PRKCE: variants seen among roughly 807,000 people sequenced by gnomAD.
The protein encoded by PRKCE is protein kinase C epsilon.
A neutral mutation model predicts 85.4 loss-of-function variants in PRKCE; 16 were observed. The observed-to-expected ratio is 0.19, with a 90% confidence interval of 0.13 to 0.28. The LOEUF is 0.28. Among genes scored for constraint, PRKCE ranks in the 10% least tolerant of loss-of-function variants. PRKCE has a pLI of 1.00. For missense variants in PRKCE, 573 were observed against 975.2 expected, an observed-to-expected ratio of 0.59 and a Z score of 5.49; for synonymous variants, 388 against 371.5, an observed-to-expected ratio of 1.04 and a Z score of -0.51.
intron 6 of PRKCE, among the ~76,000 whole-genome samples, chr2:45,989,559 T>A (rs1703627888): frequency 6.6e-6 from 1 of 151,800 alleles, no homozygotes; most frequent in Non-Finnish European, 1.5e-5. Flanking sequence ...AATGGAGTGA[T>A]CTTAGCCACA....
chr2:46,088,922 G>A (rs1008992845), intron 11 of PRKCE, among the ~76,000 whole-genome samples: 6 of 152,172 alleles, frequency 3.9e-5, no homozygotes, highest in African/African-American at 1.2e-4. Flanking sequence ...TGCACACCAT[G>A]ACACTTGGTA....
At chr2:45,998,149 G>A (rs188664190) in intron 6 of PRKCE, among the ~76,000 whole-genome samples, 1 of 152,296 alleles carries the variant, frequency 6.6e-6, no homozygotes, top group Non-Finnish European at 1.5e-5. Flanking sequence ...GTTGATAGAT[G>A]TCAGTTATAT....
At chr2:46,039,472 C>G (rs992179122) in intron 10 of PRKCE, among the ~76,000 whole-genome samples, 2 of 152,106 alleles carry the variant, frequency 1.3e-5, no homozygotes, top group Non-Finnish European at 2.9e-5. Context: ...GCCTGTTCTT[C>G]TAACCCTACT....
At chr2:46,156,681 G>A (rs1217720860) in intron 13 of PRKCE, among the ~76,000 whole-genome samples, 10 of 152,234 alleles carry the variant, frequency 6.6e-5, no homozygotes, top group Non-Finnish European at 1.5e-5. Context: ...GTGGGAAGGA[G>A]CCTTGCTTAG....
chr2:45,947,099 A>G (rs1700293609), intron 2 of PRKCE, among the ~76,000 whole-genome samples: 2 of 152,236 alleles, frequency 1.3e-5, no homozygotes. Context: ...GTACCACCTA[A>G]AGTGTGGTAT....
chr2:45,743,776 C>A (rs1314627038), intron 1 of PRKCE, among the ~76,000 whole-genome samples: 1 of 152,208 alleles, frequency 6.6e-6, no homozygotes, highest in African/African-American at 2.4e-5. Flanking sequence ...AACACATCCA[C>A]ATTAGCAGAC....
At chr2:45,820,698 A>C (rs555437041) in intron 1 of PRKCE, among the ~76,000 whole-genome samples, 1 of 152,322 alleles carries the variant, frequency 6.6e-6, no homozygotes, top group Non-Finnish European at 1.5e-5. Flanking sequence ...TGAAGTTTTC[A>C]AACTGAAAGC....
intron 1 of PRKCE, among the ~76,000 whole-genome samples, chr2:45,668,407 G>A (rs780045674): frequency 3.9e-5 from 6 of 152,186 alleles, no homozygotes; most frequent in Non-Finnish European, 5.9e-5. Context: ...TGTGGATGAT[G>A]TGGTTTGGGA....
intron 1 of PRKCE, among the ~76,000 whole-genome samples, chr2:45,835,675 C>G (rs776306178): frequency 7.9e-4 from 120 of 151,490 alleles, no homozygotes; most frequent in Non-Finnish European, 1.4e-3. Flanking sequence ...ACTGCAGCCT[C>G]AAACTCCCAG....
At chr2:46,099,842 T>C (rs1330031719) in intron 11 of PRKCE, among the ~76,000 whole-genome samples, 1 of 152,184 alleles carries the variant, frequency 6.6e-6, no homozygotes, top group African/African-American at 2.4e-5. Context: ...GACTTCTCAC[T>C]GGACCGCTCT....
In PRKCE at chr2:45,817,025, C is replaced by A. The variant is rs139281454; in HGVS notation, c.349-25975C>A. Among the ~76,000 whole-genome samples the A allele has an allele frequency of 1.1e-4, 16 of 149,780 alleles. No individual in the cohort carries two copies. The East Asian group carries it at 2.7e-3, about 26-fold the overall frequency. On this transcript the variant is annotated intron_variant, in intron 1 of 14. Transcript: ENST00000306156. ...CACAGAACATTGGGGACAAAGAGAT[C>A]GTTGTGTAAAGAAATGACTCAAATT...
chr2:45,958,027 TG>T (rs1701090579), intron 2 of PRKCE, among the ~76,000 whole-genome samples: 1 of 151,196 alleles, frequency 6.6e-6, no homozygotes, highest in Admixed American at 6.6e-5. Flanking sequence ...GTTCTAGAAG[TG>T]AAGTCCAGCA....
In PRKCE at chr2:46,041,007, C is replaced by T. The variant is rs369985587; in HGVS notation, c.1437+30490C>T. On this transcript the variant is annotated intron_variant, in intron 10 of 14. Coordinates refer to ENST00000306156, the MANE Select transcript of PRKCE (RefSeq NM_005400.3). The surrounding 1 kb of genome is among the most constrained non-coding windows in gnomAD (Gnocchi z 5.5). ...TTAATCAGGGCACGGTTTATATTTC[C>T]AGCATTCAAAATAAATCATTCCGTT... Among the ~76,000 whole-genome samples the T allele has an allele frequency of 2.2e-4, 33 of 152,318 alleles. No individual in the cohort carries two copies. Among genetic ancestry groups the T allele is most frequent in the African/African-American group, 7.7e-4 (32 of 41,578 alleles).
At position 45,823,046 on chromosome 2, in the gene PRKCE, G is replaced by T. The variant is rs544365971; in HGVS notation, c.349-19954G>T. 5.3e-5 allele frequency among the ~76,000 whole-genome samples: 8 copies of T among 152,284 alleles called. No individual in the cohort carries two copies. The South Asian group carries it at 6.2e-4, about 12-fold the overall frequency. ...CCCACCCCAATTGACCAGGTGCCAT[G>T]CTAGGCCCAGGGGAAACAAAGAGGT... is the stretch of plus-strand genomic sequence containing the variant. On this transcript the variant is annotated intron_variant, in intron 1 of 14. Transcript: ENST00000306156.
At chr2:46,088,169 A>G (rs1358793280) in intron 11 of PRKCE, among the ~76,000 whole-genome samples, 1 of 152,226 alleles carries the variant, frequency 6.6e-6, no homozygotes, top group African/African-American at 2.4e-5. Flanking sequence ...ATTATACCAG[A>G]GCATGAGTTG....
At chr2:46,122,932 C>T (rs570378277) in intron 11 of PRKCE, among the ~76,000 whole-genome samples, 3 of 145,662 alleles carry the variant, frequency 2.1e-5, no homozygotes, top group Non-Finnish European at 3.0e-5. Flanking sequence ...CACTAGTCAC[C>T]ATTATAATCA....
chr2:45,803,453 A>G (rs962625387), intron 1 of PRKCE, among the ~76,000 whole-genome samples: 2 of 152,194 alleles, frequency 1.3e-5, no homozygotes, highest in Non-Finnish European at 2.9e-5. Flanking sequence ...CACTCTCTTT[A>G]GGCAAGGATT....
chr2:45,780,050 T>C (rs981138478), intron 1 of PRKCE, among the ~76,000 whole-genome samples: 2 of 84,216 alleles, frequency 2.4e-5, no homozygotes, highest in Non-Finnish European at 4.7e-5. Context: ...TGTAAATACA[T>C]CTGTATCGAT....
chr2:45,884,995 A>T (rs201334677), intron 2 of PRKCE, among the ~76,000 whole-genome samples: 18,933 of 70,022 alleles, frequency 0.27, 3,300 homozygotes, highest in East Asian at 0.55. Flanking sequence ...ATATATATAT[A>T]TATATATTTG....
Sources: allele counts gnomAD v4.1 joint callset (sites outside exome capture counted in the v4.1 genomes callset), GRCh38; gene constraint gnomAD v4.1.1; non-coding constraint Gnocchi (gnomAD v3.1); transcripts MANE v1.5; gene names NCBI Gene and HGNC (gene_info 2026-07-23, HGNC 2026-07-21).